The following CSMD1 variants were observed in gnomAD, a reference collection of about 807,000 sequenced individuals.
CSMD1 encodes CUB and Sushi multiple domains 1, also known as CUB and sushi domain-containing protein 1.
A neutral mutation model predicts 417.5 loss-of-function variants in CSMD1; 213 were observed. The ratio of observed to expected loss-of-function variants is 0.51; its 90% confidence interval spans 0.46 to 0.57. The LOEUF is 0.57. CSMD1 is among the 20% of genes least tolerant of loss of function. CSMD1 has a pLI of 0.00. For missense variants in CSMD1, 6,923 were observed against 4,529.7 expected, an observed-to-expected ratio of 1.53 and a Z score of -15.17; for synonymous variants, 2,862 against 1,736.8, an observed-to-expected ratio of 1.65 and a Z score of -16.11.
rs184002046 is a variant in CSMD1 at position 4,729,253 on chromosome 8, G to C, written c.86-91695C>G. ...ACAGAAAATTATGCTGACGAGGAAA[G>C]AAAATAAGAATAAAAACCCGATCAT... On this transcript the variant is annotated intron_variant, in intron 1 of 69. Transcript: ENST00000635120. 2.6e-3 allele frequency among the ~76,000 whole-genome samples: 394 copies of C among 152,198 alleles called. 2 individuals carry two copies. Among genetic ancestry groups the C allele is most frequent in the African/African-American group, 8.6e-3 (357 of 41,530 alleles).
At chr8:3,585,352 A>C (rs1172673341) in intron 9 of CSMD1, among the ~76,000 whole-genome samples, 1 of 152,200 alleles carries the variant, frequency 6.6e-6, no homozygotes, top group Admixed American at 6.5e-5. Context: ...CTTACATATG[A>C]AGCTTTCCTT....
intron 1 of CSMD1, among the ~76,000 whole-genome samples, chr8:4,838,657 G>C (rs376009440): frequency 1.3e-5 from 2 of 152,212 alleles, no homozygotes; most frequent in East Asian, 3.9e-4. Flanking sequence ...TGCAGACGCG[G>C]AGGTGGGATG....
intron 12 of CSMD1, among the ~76,000 whole-genome samples, chr8:3,449,517 G>A (rs966600257): frequency 6.7e-6 from 1 of 149,356 alleles, no homozygotes; most frequent in South Asian, 2.2e-4. Context: ...TCTCATGACA[G>A]CAATTTTTTT....
intron 25 of CSMD1, 63 bp from the exon 26 acceptor site, chr8:3,284,409 G>A (rs1265775074): frequency 6.3e-6 from 8 of 1,269,308 alleles, no homozygotes; most frequent in Non-Finnish European, 6.8e-6. Context: ...CCCCATAGCT[G>A]TAAAGTAAGC....
chr8:4,671,383 G>C (rs778494060), intron 1 of CSMD1, among the ~76,000 whole-genome samples: 5 of 152,260 alleles, frequency 3.3e-5, no homozygotes, highest in Admixed American at 1.3e-4. Flanking sequence ...ACCCAAGTCT[G>C]TTTGTGTAAT....
chr8:4,562,283 AC>A, intron 2 of CSMD1, among the ~76,000 whole-genome samples: 1 of 152,344 alleles, frequency 6.6e-6, no homozygotes, highest in South Asian at 2.1e-4. Context: ...CAGAGAGAGG[AC>A]AACCTGCTGG....
intron 2 of CSMD1, among the ~76,000 whole-genome samples, chr8:4,550,139 G>C (rs563908765): frequency 4.4e-4 from 66 of 151,590 alleles, no homozygotes; most frequent in Non-Finnish European, 8.1e-4. Context: ...TTTTCTGCTT[G>C]GTGTGGCCAC....
chr8:3,417,709 C>T (rs1162841983), intron 12 of CSMD1, among the ~76,000 whole-genome samples: 1 of 152,000 alleles, frequency 6.6e-6, no homozygotes, highest in Non-Finnish European at 1.5e-5. Flanking sequence ...ACTGTGCCTG[C>T]TCTTAGATTC....
intron 21 of CSMD1, among the ~76,000 whole-genome samples, chr8:3,354,180 C>A (rs984491090): frequency 6.6e-5 from 10 of 152,120 alleles, no homozygotes; most frequent in Admixed American, 6.5e-4. Context: ...CTCAATCTGC[C>A]TATTCAATAC....
chr8:4,679,714 T>G (rs1805917639), intron 1 of CSMD1, among the ~76,000 whole-genome samples: 1 of 152,226 alleles, frequency 6.6e-6, no homozygotes, highest in Non-Finnish European at 1.5e-5. Flanking sequence ...GGATTTTTGC[T>G]GGATTTGAAA....
intron 4 of CSMD1, among the ~76,000 whole-genome samples, chr8:4,028,608 G>A (rs996334983): frequency 6.6e-6 from 1 of 152,218 alleles, no homozygotes; most frequent in African/African-American, 2.4e-5. Context: ...AGTGGAGCCT[G>A]TAAATTGGCA....
chr8:4,738,017 T>A (rs533513054), intron 1 of CSMD1, among the ~76,000 whole-genome samples: 1 of 152,224 alleles, frequency 6.6e-6, no homozygotes, highest in East Asian at 1.9e-4. Context: ...CACATGTAAC[T>A]TGGAGAATGA....
chr8:4,631,284 C>A (rs906471281), intron 2 of CSMD1, among the ~76,000 whole-genome samples: 4 of 152,104 alleles, frequency 2.6e-5, no homozygotes, highest in African/African-American at 9.7e-5. Context: ...ATCGCTGGAA[C>A]CTGGGAGGCA....
intron 49 of CSMD1, among the ~76,000 whole-genome samples, chr8:3,085,494 CA>C (rs1814460319): frequency 6.6e-6 from 1 of 152,200 alleles, no homozygotes; most frequent in Non-Finnish European, 1.5e-5. Context: ...ATCCCATATA[CA>C]CAAAGCCATT....
rs189360039 is a variant in CSMD1, at chr8:4,707,251, G to A, written c.86-69693C>T. 2.6e-3 allele frequency among the ~76,000 whole-genome samples: 390 copies of A among 152,236 alleles called. 4 individuals carry two copies. Among genetic ancestry groups the A allele is most frequent in the African/African-American group, 9.1e-3 (378 of 41,540 alleles). ...TTATCTCATTTTCATTCTTACAACG[G>A]TCCTAGGAGGTAAGGAATATTAGGT... On this transcript the variant is annotated intron_variant, in intron 1 of 69. Transcript: ENST00000635120.
At chr8:3,194,434 T>G (rs550802362) in intron 33 of CSMD1, among the ~76,000 whole-genome samples, 2 of 142,348 alleles carry the variant, frequency 1.4e-5, no homozygotes, top group African/African-American at 5.7e-5. Flanking sequence ...TATTTTATTT[T>G]ATTTTATTTT....
At chr8:4,253,685 C>A (rs1277422695) in intron 3 of CSMD1, among the ~76,000 whole-genome samples, 4 of 151,208 alleles carry the variant, frequency 2.6e-5, no homozygotes, top group South Asian at 2.1e-4. Context: ...ATTGATTCTG[C>A]AATATAAAAT....
chr8:4,180,924 C>T (rs7817891), intron 3 of CSMD1, among the ~76,000 whole-genome samples: 2,483 of 152,140 alleles, frequency 0.016, 31 homozygotes, highest in Non-Finnish European at 0.028. Context: ...TTTCAAGGTG[C>T]CAAAATTGCC....
At chr8:3,675,835 G>T (rs376461486) in intron 7 of CSMD1, among the ~76,000 whole-genome samples, 1 of 152,148 alleles carries the variant, frequency 6.6e-6, no homozygotes, top group Non-Finnish European at 1.5e-5. Flanking sequence ...TAAGCTGGTG[G>T]CATTTCCACC....
Sources: allele counts gnomAD v4.1 joint callset (sites outside exome capture counted in the v4.1 genomes callset), GRCh38; gene constraint gnomAD v4.1.1; transcripts MANE v1.5; gene names NCBI Gene and HGNC (gene_info 2026-07-23, HGNC 2026-07-21).